Variants in ATP11C observed in about 807,000 individuals in gnomAD.
The protein encoded by ATP11C is phospholipid-transporting ATPase IG.
ATP11C carries 36 observed loss-of-function variants against 97.4 expected under a neutral mutation model. The observed-to-expected ratio is 0.37, with a 90% CI of 0.28 to 0.49. ATP11C has a LOEUF of 0.49. ATP11C is among the 20% of genes least tolerant of loss of function. The probability of loss-of-function intolerance (pLI) is 0.98; values close to 1 mark genes in which losing one functional copy is unlikely to be tolerated. For missense variants in ATP11C, 730 were observed against 824.6 expected, an observed-to-expected ratio of 0.89 and a Z score of 1.40; for synonymous variants, 275 against 290.9, an observed-to-expected ratio of 0.95 and a Z score of 0.56.
In ATP11C at chrX:139,871,620, A is replaced by C. The variant is rs1457526524; in HGVS notation, c.28-44797T>G. On this transcript the variant is annotated intron_variant, in intron 1 of 29. Transcript: ENST00000682941. ...CTGCAACCTCAACCTCCATGGGCTC[A>C]GGTGATTCTCCCACCTCAGCCTCCT... Among the ~76,000 whole-genome samples, 6 of 105,164 alleles carry C rather than the reference A, an allele frequency of 5.7e-5. No individual in the cohort carries two copies. The East Asian group carries it at 1.8e-3, about 32-fold the overall frequency. The allele number at this position is 105,164 out of a possible 115,157, so 91.3% of individuals were successfully genotyped here.
At chrX:139,933,394 C>G (rs926441658), upstream of ATP11C, among the ~76,000 whole-genome samples, 3 of 112,045 alleles carry the variant, frequency 2.7e-5, no homozygotes, top group African/African-American at 6.5e-5. Flanking sequence ...TTCCCTGGAA[C>G]GCAAAATGTG....
Position 139,852,472 on chromosome X carries a change from G to GTT in ATP11C, c.28-25650_28-25649insAA, listed in dbSNP as rs760459983. Among the ~76,000 whole-genome samples the GTT allele has an allele frequency of 8.1e-3, 201 of 24,859 alleles. 26 individuals are homozygous for GTT. Among genetic ancestry groups the GTT allele is most frequent in the African/African-American group, 0.019 (185 of 9,629 alleles). The allele number at this position is 24,859 out of a possible 115,157, so 21.6% of individuals were successfully genotyped here. A position where few individuals can be genotyped will look rare whatever the true frequency, so the allele number is the denominator to read the frequency against. On this transcript the variant is annotated intron_variant, in intron 1 of 29. Coordinates refer to ENST00000682941, the MANE Select transcript of ATP11C (RefSeq NM_001353812.2). ...CAATGCGGGGGGGGGGGGGGGGGGG[G>GTT]GGGGGGGGGAACTGGCCAGCGACCT...
intron 12 of ATP11C, among the ~76,000 whole-genome samples, chrX:139,790,433 C>T (rs1194525013): frequency 9.5e-6 from 1 of 105,639 alleles, no homozygotes; most frequent in Non-Finnish European, 1.9e-5. Context: ...TAAGACTATA[C>T]TGACCACTTA....
Position 139,738,077 on chromosome X carries a change from G to T in ATP11C, c.3135-8C>A. The T allele has an allele frequency of 8.5e-7, 1 of 1,173,999 alleles. No homozygotes were observed. Among genetic ancestry groups the T allele is most frequent in the South Asian group, 2.0e-5 (1 of 49,995 alleles). ...TGTTGCTTGAGAAAAGGCCTGCAGTGGAAAGAAAATACATGATGGAAAAAC... is the reference window on the plus strand; with the variant it reads ...TGTTGCTTGAGAAAAGGCCTGCAGTTGAAAGAAAATACATGATGGAAAAAC... On this transcript the variant is annotated splice_polypyrimidine_tract_variant and splice_region_variant and intron_variant, in intron 27 of 29. Coordinates refer to ENST00000682941, the MANE Select transcript of ATP11C (RefSeq NM_001353812.2).
At chrX:139,803,685 CTTTTTTTTTTTTTTTTTT>C (rs140315105) in intron 6 of ATP11C, among the ~76,000 whole-genome samples, 4 of 38,259 alleles carry the variant, frequency 1.0e-4, no homozygotes, top group South Asian at 1.9e-3. Flanking sequence ...TACACCCTAT[CTTTTTTTTTTTTTTTTTT>C]TTTTTTTTTT....
At chrX:139,811,785 G>T (rs2083181569) in intron 5 of ATP11C, among the ~76,000 whole-genome samples, 1 of 110,768 alleles carries the variant, frequency 9.0e-6, no homozygotes, top group South Asian at 3.8e-4. Context: ...ACCTCCTTAT[G>T]CCTCGGTTTC....
intron 1 of ATP11C, among the ~76,000 whole-genome samples, chrX:139,919,493 A>AC (rs1569492588): frequency 4.9e-5 from 5 of 102,273 alleles, no homozygotes; most frequent in African/African-American, 7.3e-5. Context: ...ACACACACAC[A>AC]AACTACTTAT....
chrX:139,814,603 T>C (rs918794825), intron 5 of ATP11C, among the ~76,000 whole-genome samples: 4 of 111,441 alleles, frequency 3.6e-5, no homozygotes, highest in Non-Finnish European at 5.7e-5. Context: ...TGAAAGAAGC[T>C]AGACAAAAAG....
chrX:139,844,527 AGAG>A (rs773659255), intron 1 of ATP11C, among the ~76,000 whole-genome samples: 9 of 112,287 alleles, frequency 8.0e-5, no homozygotes, highest in Admixed American at 1.9e-4. Context: ...CCCTAACTAA[AGAG>A]GAGAAGATGG....
At chrX:139,736,607 T>TG (rs1293347629) in intron 28 of ATP11C, among the ~76,000 whole-genome samples, 1 of 111,870 alleles carries the variant, frequency 8.9e-6, no homozygotes, top group Non-Finnish European at 1.9e-5. Context: ...GTTTTATCCC[T>TG]GTTCAACCGA....
chrX:139,789,481 T>C lies in ATP11C; in HGVS notation c.1214A>G (p.Tyr405Cys). 1 of 1,183,052 alleles carries C rather than the reference T, an allele frequency of 8.5e-7. No individual in the cohort carries two copies. Among genetic ancestry groups the C allele is most frequent in the Non-Finnish European group, 1.1e-6 (1 of 881,904 alleles). The part of the protein sequence containing the change: ...DLNEELGQVD[Y>C]VFTDKTGTLT... ...TGTTCCAGTCTTATCTGTAAATACA[T>C]AATCCACCTAAAACAAGGACACAAA... The change falls in exon 13 of 30, where the codon TAT (tyrosine) becomes TGT (cysteine). Residue 405 changes from tyrosine (Y) to cysteine (C), a missense_variant. Tyr to Cys is a radical substitution (Grantham distance 194). Coordinates refer to ENST00000682941, the MANE Select transcript of ATP11C (RefSeq NM_001353812.2).
chrX:139,790,714 G>A (rs1213804851), intron 12 of ATP11C, among the ~76,000 whole-genome samples: 1 of 111,288 alleles, frequency 9.0e-6, no homozygotes, highest in Admixed American at 9.6e-5. Context: ...CTAATTGGAA[G>A]ATACAGTATA....
At chrX:139,863,053 G>A (rs1352508854) in intron 1 of ATP11C, among the ~76,000 whole-genome samples, 1 of 110,807 alleles carries the variant, frequency 9.0e-6, no homozygotes, top group Admixed American at 9.6e-5. Flanking sequence ...CATAGGACTC[G>A]CTTTACAGTT....
intron 1 of ATP11C, among the ~76,000 whole-genome samples, chrX:139,927,951 C>A (rs2085378110): frequency 9.0e-6 from 1 of 111,510 alleles, no homozygotes; most frequent in Non-Finnish European, 1.9e-5. Flanking sequence ...GTTGTTCTTT[C>A]AAAAAATATT....
intron 1 of ATP11C, among the ~76,000 whole-genome samples, chrX:139,849,310 C>A (rs1460712052): frequency 9.0e-6 from 1 of 111,593 alleles, no homozygotes; most frequent in African/African-American, 3.3e-5. Context: ...TGTATCTACC[C>A]ATGTTTCCTT....
chrX:139,879,361 T>C (rs190457195), intron 1 of ATP11C, among the ~76,000 whole-genome samples: 26 of 109,460 alleles, frequency 2.4e-4, no homozygotes, highest in Admixed American at 2.2e-3. Context: ...AAAAAAATCA[T>C]GCCATTTGTA....
chrX:139,879,645 ATATATG>A (rs1460463820), intron 1 of ATP11C, among the ~76,000 whole-genome samples: 1 of 112,183 alleles, frequency 8.9e-6, no homozygotes. Flanking sequence ...ATTACACAAT[ATATATG>A]TATATCAAAT....
At chrX:139,864,590 A>C (rs1316319450) in intron 1 of ATP11C, among the ~76,000 whole-genome samples, 1 of 112,129 alleles carries the variant, frequency 8.9e-6, no homozygotes, top group African/African-American at 3.2e-5. Context: ...CAATATTCCT[A>C]TAAGGTTTAA....
At chrX:139,905,162 A>G (rs2084955353) in intron 1 of ATP11C, among the ~76,000 whole-genome samples, 1 of 112,266 alleles carries the variant, frequency 8.9e-6, no homozygotes, top group Admixed American at 9.4e-5. Flanking sequence ...GCTTTTTCCA[A>G]TCTGAATTGA....
Sources: gnomAD v4.1 joint callset for allele counts (sites outside exome capture counted in the v4.1 genomes callset) on GRCh38, gnomAD v4.1.1 for gene constraint, MANE v1.5 for transcripts, NCBI Gene and HGNC (gene_info 2026-07-23, HGNC 2026-07-21) for gene names.